STX3: variants seen among roughly 807,000 people sequenced by gnomAD.
STX3 encodes the protein syntaxin-3.
Under a neutral mutation model 40.2 loss-of-function variants are expected in STX3, and 19 were observed. That is an observed-to-expected ratio of 0.47 (90% CI 0.33 to 0.69). STX3 has a LOEUF of 0.69. STX3 is among the 30% of genes least tolerant of loss of function. STX3 has a pLI of 0.02. For missense variants in STX3, 364 were observed against 366.7 expected, an observed-to-expected ratio of 0.99 and a Z score of 0.06; for synonymous variants, 122 against 132.2, an observed-to-expected ratio of 0.92 and a Z score of 0.53.
intron 1 of STX3, among the ~76,000 whole-genome samples, chr11:59,764,696 C>T (rs1012681773): frequency 3.3e-5 from 5 of 152,050 alleles, no homozygotes; most frequent in Middle Eastern, 3.2e-3. Flanking sequence ...GCCCTGGGCT[C>T]CCACAGACTT....
In STX3 at chr11:59,805,401, CTTTG is replaced by C. The variant is rs762738708; in HGVS notation, c.*4582_*4585del. ...TTTGTACTTTTGAAAGTAAATTATT[CTTTG>C]TTTGATACCTTATTTTTTAAGAAAG... On this transcript the variant is annotated 3_prime_UTR_variant, in exon 11 of 11. Coordinates refer to ENST00000337979, the MANE Select transcript of STX3 (RefSeq NM_004177.5). 18 of 152,106 alleles carry C rather than the reference CTTTG, an allele frequency of 1.2e-4. No individual in the cohort carries two copies. The highest frequency in any genetic ancestry group is 4.1e-4 in the African/African-American group (17 of 41,474). 9.4% of individuals were successfully genotyped at this position (152,106 alleles called of 1,614,324 possible). A position where few individuals can be genotyped will look rare whatever the true frequency, so the allele number is the denominator to read the frequency against.
At chr11:59,790,213 G>A (rs926556021) in intron 4 of STX3, among the ~76,000 whole-genome samples, 2 of 152,174 alleles carry the variant, frequency 1.3e-5, no homozygotes, top group African/African-American at 4.8e-5. Flanking sequence ...GAGAGAACAG[G>A]TACATTAAGA....
At chr11:59,781,426 C>G in intron 2 of STX3, 33 of 1,610,016 alleles carry the variant, frequency 2.0e-5, no homozygotes, top group Non-Finnish European at 2.7e-5. Context: ...CCATCCCACT[C>G]CTGATGCTGA....
At chr11:59,774,373 A>C (rs1863836631) in intron 2 of STX3, among the ~76,000 whole-genome samples, 1 of 149,482 alleles carries the variant, frequency 6.7e-6, no homozygotes, top group African/African-American at 2.5e-5. Flanking sequence ...TAGGAGTTTG[A>C]GGCTGCAGTG....
Position 59,801,045 on chromosome 11 carries a change from G to A in STX3, c.*221G>A. On this transcript the variant is annotated 3_prime_UTR_variant, in exon 11 of 11. Transcript: ENST00000337979. The stretch of plus-strand genomic sequence containing the variant: ...GATGCGACCCTGAGTTCTCCCCAGA[G>A]CCTCCTCCTGCCCCACCAGCTCTCA... The A allele has an allele frequency of 6.8e-7, 1 of 1,473,002 alleles. No individual in the cohort carries two copies. The highest frequency in any genetic ancestry group is 1.4e-5 in the African/African-American group (1 of 71,486). The allele number at this position is 1,473,002 out of a possible 1,614,324, so 91.2% of individuals were successfully genotyped here.
intron 1 of STX3, among the ~76,000 whole-genome samples, chr11:59,768,495 A>C (rs373738413): frequency 5.4e-4 from 82 of 152,310 alleles, no homozygotes; most frequent in African/African-American, 2.0e-3. Flanking sequence ...AAGGGGACAT[A>C]GTGCTAATAT....
intron 3 of STX3, among the ~76,000 whole-genome samples, chr11:59,788,529 C>T (rs1453374530): frequency 6.6e-6 from 1 of 152,304 alleles, no homozygotes; most frequent in East Asian, 1.9e-4. Context: ...TCCCTAGAAC[C>T]TTCTCAACCG....
At chr11:59,762,307 G>T (rs1042145752) in intron 1 of STX3, among the ~76,000 whole-genome samples, 2 of 152,238 alleles carry the variant, frequency 1.3e-5, no homozygotes, top group Non-Finnish European at 2.9e-5. Flanking sequence ...GCAGCCAGCT[G>T]CCCAGGCACC....
chr11:59,790,503 T>G lies in STX3; in HGVS notation c.290-16T>G, dbSNP rs756279492. 2 of 1,607,844 alleles carry G rather than the reference T, an allele frequency of 1.2e-6. No individual in the cohort carries two copies. Among genetic ancestry groups the G allele is most frequent in the African/African-American group, 1.3e-5 (1 of 74,928 alleles). ...GCGGAGATAGGTTGCAAGTATAACCTTCCTCTCCTCTTTAGGCATGGAGAA... is the reference window on the plus strand; with the variant it reads ...GCGGAGATAGGTTGCAAGTATAACCGTCCTCTCCTCTTTAGGCATGGAGAA... On this transcript the variant is annotated splice_polypyrimidine_tract_variant and intron_variant, in intron 4 of 10. Coordinates refer to ENST00000337979, the MANE Select transcript of STX3 (RefSeq NM_004177.5).
Position 59,793,926 on chromosome 11 carries a change from C to T in STX3, c.675+412C>T, listed in dbSNP as rs563850873. Among the ~76,000 whole-genome samples, 16 of 151,650 alleles carry T rather than the reference C, an allele frequency of 1.1e-4. No individual in the cohort carries two copies. In the South Asian group the frequency reaches 3.3e-3, roughly 32 times the overall value. On this transcript the variant is annotated intron_variant, in intron 8 of 10. Coordinates refer to ENST00000337979, the MANE Select transcript of STX3 (RefSeq NM_004177.5). Reference sequence around the variant, plus strand: ...ATCAAGCAATCCTCCCAGGATTTGTCTTTTTTTCTTTCTTAAAAATCAGAG... The same window carrying T: ...ATCAAGCAATCCTCCCAGGATTTGTTTTTTTTTCTTTCTTAAAAATCAGAG...
chr11:59,786,406 A>ATT (rs1362889318), intron 2 of STX3, among the ~76,000 whole-genome samples: 8,222 of 126,894 alleles, frequency 0.065, 352 homozygotes, highest in African/African-American at 0.11. Context: ...CACCAGGCTA[A>ATT]TTTTTTTTTT....
At chr11:59,775,111 A>G (rs535703447) in intron 2 of STX3, among the ~76,000 whole-genome samples, 13 of 152,256 alleles carry the variant, frequency 8.5e-5, no homozygotes, top group African/African-American at 3.1e-4. Context: ...TCTGAAAGGA[A>G]TGGAGTGGGG....
intron 1 of STX3, among the ~76,000 whole-genome samples, chr11:59,764,722 T>A (rs1425144473): frequency 6.6e-6 from 1 of 152,146 alleles, no homozygotes. Context: ...TGAGTCCTAA[T>A]GAGGTCGTTT....
chr11:59,768,110 T>C (rs1863370401), intron 1 of STX3, among the ~76,000 whole-genome samples: 1 of 152,210 alleles, frequency 6.6e-6, no homozygotes, highest in East Asian at 1.9e-4. Flanking sequence ...AGATAGCATA[T>C]ATTTTTTATA....
intron 4 of STX3, 118 bp from the exon 5 acceptor site, chr11:59,790,401 C>G: frequency 1.3e-6 from 1 of 767,594 alleles, no homozygotes; most frequent in South Asian, 1.5e-5. Flanking sequence ...TGAGGTGACA[C>G]CTACCTGTTA....
chr11:59,801,354 A>T lies in STX3; in HGVS notation c.*530A>T, dbSNP rs1865879778. The T allele has an allele frequency of 2.0e-6, 2 of 989,336 alleles. No homozygotes were observed. Among genetic ancestry groups the T allele is most frequent in the Admixed American group, 1.2e-4 (2 of 16,842 alleles). 61.3% of individuals were successfully genotyped at this position (989,336 alleles called of 1,614,324 possible). ...TTTGTTGTCCGTATGTCCTGAAAAC[A>T]TGAGGGACTGGCAGATGTCATTTTG... is the stretch of plus-strand genomic sequence containing the variant. On this transcript the variant is annotated 3_prime_UTR_variant, in exon 11 of 11. Transcript: ENST00000337979.
At chr11:59,768,292 G>C (rs779483880) in intron 1 of STX3, among the ~76,000 whole-genome samples, 3 of 152,098 alleles carry the variant, frequency 2.0e-5, no homozygotes, top group Non-Finnish European at 4.4e-5. Flanking sequence ...CCTTGTGTCA[G>C]GTGCCCAGGA....
In STX3 at chr11:59,755,536, C is replaced by T. The variant is rs1862658779; in HGVS notation, c.-70C>T. Reference sequence around the variant, plus strand: ...CCGGCCGCCGCTTCCGGCAGCTCACCTGGGAAGCGCTCACCTGGGACGCGC... The same window carrying T: ...CCGGCCGCCGCTTCCGGCAGCTCACTTGGGAAGCGCTCACCTGGGACGCGC... On this transcript the variant is annotated 5_prime_UTR_variant, in exon 1 of 11. Coordinates refer to ENST00000337979, the MANE Select transcript of STX3 (RefSeq NM_004177.5). The T allele has an allele frequency of 6.4e-7, 1 of 1,554,464 alleles. No individual in the cohort carries two copies. The highest frequency in any genetic ancestry group is 8.6e-7 in the Non-Finnish European group (1 of 1,159,902).
intron 9 of STX3, chr11:59,795,725 ATCTCAACTGTCCTTCG>A (rs1405177863): frequency 2.0e-6 from 3 of 1,533,928 alleles, no homozygotes; most frequent in Non-Finnish European, 2.6e-6. Context: ...GAGCACCTTC[ATCTCAACTGTCCTTCG>A]TCTCAGCTGT....
Sources: gnomAD v4.1 joint callset for allele counts (sites outside exome capture counted in the v4.1 genomes callset) on GRCh38, gnomAD v4.1.1 for gene constraint, MANE v1.5 for transcripts, NCBI Gene and HGNC (gene_info 2026-07-23, HGNC 2026-07-21) for gene names.